Variants in EPHA3 observed in about 807,000 individuals in gnomAD.
EPHA3 encodes the protein ephrin type-A receptor 3.
EPHA3 carries 42 observed loss-of-function variants against 107.1 expected under a neutral mutation model. The ratio of observed to expected loss-of-function variants is 0.39; its 90% CI spans 0.31 to 0.51. EPHA3 has a LOEUF of 0.51. Among genes scored for constraint, EPHA3 ranks in the 20% least tolerant of loss-of-function variants. EPHA3 has a pLI of 0.78. For synonymous variants in EPHA3, 461 were observed against 424.8 expected, an observed-to-expected ratio of 1.09 and a Z score of -1.05; for missense variants, 1,183 against 1,211.2, an observed-to-expected ratio of 0.98 and a Z score of 0.35.
At chr3:89,244,366 A>T (rs900462340) in intron 3 of EPHA3, among the ~76,000 whole-genome samples, 4 of 152,068 alleles carry the variant, frequency 2.6e-5, no homozygotes, top group Non-Finnish European at 4.4e-5. Flanking sequence ...AAAAATTTTA[A>T]GTAGTAAGAT....
chr3:89,315,617 TAAA>T (rs199911525), intron 3 of EPHA3, among the ~76,000 whole-genome samples: 3 of 127,432 alleles, frequency 2.4e-5, no homozygotes, highest in African/African-American at 8.6e-5. Flanking sequence ...TCCTTTTTAA[TAAA>T]AAAAAAAAAA....
At chr3:89,240,709 T>G (rs1345809235) in intron 3 of EPHA3, among the ~76,000 whole-genome samples, 5 of 152,028 alleles carry the variant, frequency 3.3e-5, no homozygotes, top group African/African-American at 1.2e-4. Context: ...AATTATGATT[T>G]TTTTGTCTAT....
intron 7 of EPHA3, among the ~76,000 whole-genome samples, chr3:89,406,926 C>T (rs571832919): frequency 4.3e-4 from 66 of 152,168 alleles, no homozygotes; most frequent in South Asian, 8.3e-4. Flanking sequence ...TAAGATCCTC[C>T]CATAACTTCT....
At chr3:89,261,596 G>A (rs1705418431) in intron 3 of EPHA3, among the ~76,000 whole-genome samples, 1 of 151,962 alleles carries the variant, frequency 6.6e-6, no homozygotes, top group Non-Finnish European at 1.5e-5. Flanking sequence ...TATATAATAA[G>A]TGCTCAAAAT....
intron 3 of EPHA3, among the ~76,000 whole-genome samples, chr3:89,234,822 CCTTTCCTTTCCTTT>C (rs1704717138): frequency 9.1e-6 from 1 of 110,112 alleles, no homozygotes; most frequent in Non-Finnish European, 1.8e-5. Context: ...TTCTTTCCTT[CCTTTCCTTTCCTTT>C]CTTTCCTTCC....
intron 2 of EPHA3, among the ~76,000 whole-genome samples, chr3:89,186,599 C>T (rs777357021): frequency 1.4e-4 from 22 of 151,810 alleles, no homozygotes; most frequent in Non-Finnish European, 2.9e-4. Flanking sequence ...ATTTATTAGC[C>T]CTAAATATTA....
intron 5 of EPHA3, among the ~76,000 whole-genome samples, chr3:89,377,663 C>G (rs779403718): frequency 3.3e-5 from 5 of 151,952 alleles, no homozygotes; most frequent in Non-Finnish European, 7.4e-5. Flanking sequence ...TTTTTCCTAG[C>G]TAGGTGCATT....
chr3:89,323,601 A>AG (rs1408200603), intron 3 of EPHA3, among the ~76,000 whole-genome samples: 1 of 152,114 alleles, frequency 6.6e-6, no homozygotes, highest in East Asian at 1.9e-4. Flanking sequence ...AACAACAAAA[A>AG]GCTTATATTG....
At chr3:89,274,585 C>G (rs542586612) in intron 3 of EPHA3, among the ~76,000 whole-genome samples, 4 of 151,928 alleles carry the variant, frequency 2.6e-5, no homozygotes, top group African/African-American at 9.6e-5. Flanking sequence ...AGAGAACAGA[C>G]AAATATGTTT....
intron 13 of EPHA3, among the ~76,000 whole-genome samples, chr3:89,443,879 A>G (rs191918239): frequency 1.3e-5 from 2 of 152,300 alleles, no homozygotes; most frequent in Admixed American, 6.5e-5. Context: ...CATTTGACCA[A>G]GATGTTCAGA....
intron 2 of EPHA3, among the ~76,000 whole-genome samples, chr3:89,170,955 A>G (rs377332567): frequency 1.0e-5 from 1 of 97,330 alleles, no homozygotes; most frequent in Non-Finnish European, 2.3e-5. Flanking sequence ...TTTTTTTTTT[A>G]AGAATTGAAT....
chr3:89,337,062 A>C (rs1355042841), intron 3 of EPHA3, among the ~76,000 whole-genome samples: 1 of 151,826 alleles, frequency 6.6e-6, no homozygotes, highest in Non-Finnish European at 1.5e-5. Context: ...CTGGCTCAAA[A>C]AAAGAAAAAA....
At chr3:89,344,983 C>G (rs1431801350) in intron 5 of EPHA3, among the ~76,000 whole-genome samples, 1 of 151,280 alleles carries the variant, frequency 6.6e-6, no homozygotes, top group Non-Finnish European at 1.5e-5. Flanking sequence ...GAAAGAATTG[C>G]AGATTACAAA....
intron 2 of EPHA3, among the ~76,000 whole-genome samples, chr3:89,131,227 G>A (rs904014051): frequency 3.9e-5 from 6 of 152,104 alleles, no homozygotes; most frequent in Admixed American, 1.3e-4. Context: ...GCAGACTGAA[G>A]CAGTTACCTT....
At chr3:89,361,431 G>A (rs973019966) in intron 5 of EPHA3, among the ~76,000 whole-genome samples, 1 of 150,764 alleles carries the variant, frequency 6.6e-6, no homozygotes, top group Non-Finnish European at 1.5e-5. Flanking sequence ...CTTATAACAA[G>A]CCAACTAATG....
chr3:89,136,546 C>G (rs1704320564), intron 2 of EPHA3, among the ~76,000 whole-genome samples: 1 of 151,432 alleles, frequency 6.6e-6, no homozygotes, highest in African/African-American at 2.4e-5. Context: ...GAATTGTGTT[C>G]TCTTCATCAA....
At chr3:89,237,448 T>G (rs1007360268) in intron 3 of EPHA3, among the ~76,000 whole-genome samples, 2 of 152,196 alleles carry the variant, frequency 1.3e-5, no homozygotes, top group African/African-American at 2.4e-5. Context: ...ATGATTAATG[T>G]AGTTCTGTGA....
chr3:89,435,306 C>G (rs1411347815), intron 13 of EPHA3, among the ~76,000 whole-genome samples: 1 of 151,384 alleles, frequency 6.6e-6, no homozygotes, highest in Non-Finnish European at 1.5e-5. Flanking sequence ...AAGATAAAAT[C>G]TGGTCTCGAT....
chr3:89,244,744 G>A (rs1450449703), intron 3 of EPHA3, among the ~76,000 whole-genome samples: 1 of 152,118 alleles, frequency 6.6e-6, no homozygotes, highest in Non-Finnish European at 1.5e-5. Flanking sequence ...CTTTATCAGT[G>A]GCTATAATGT....
Sources: gnomAD v4.1 joint callset for allele counts (sites outside exome capture counted in the v4.1 genomes callset) on GRCh38, gnomAD v4.1.1 for gene constraint, MANE v1.5 for transcripts, NCBI Gene and HGNC (gene_info 2026-07-23, HGNC 2026-07-21) for gene names.